Variants in UQCRC2 observed in about 807,000 individuals in gnomAD.
UQCRC2 encodes the protein ubiquinol-cytochrome c reductase core protein 2.
In UQCRC2, 49 loss-of-function variants were observed where a neutral mutation model predicts 55.6. That is an observed-to-expected ratio of 0.88 (90% CI 0.70 to 1.12). The LOEUF (loss-of-function observed/expected upper bound fraction) is 1.12, where lower values mean the gene tolerates loss of function less well. UQCRC2 is among the 50% of genes most tolerant of loss of function. The pLI is 0.00. For synonymous variants in UQCRC2, 193 were observed against 192.0 expected (o/e 1.01, Z -0.04); for missense variants, 506 against 547.8 (o/e 0.92, Z 0.76).
intron 7 of UQCRC2, among the ~76,000 whole-genome samples, chr16:21,966,163 T>A (rs1040314481): frequency 1.8e-4 from 26 of 146,276 alleles, no homozygotes; most frequent in Non-Finnish European, 3.4e-4. Flanking sequence ...AAAAAAAATA[T>A]ATATATATGT....
At position 21,973,966 on chromosome 16, in the gene UQCRC2, C is replaced by A; in HGVS notation, c.1037C>A (p.Ala346Asp). 6.2e-7 allele frequency: 1 copy of A among 1,607,962 alleles called. No individual in the cohort carries two copies. Among genetic ancestry groups the A allele is most frequent in the Admixed American group, 1.7e-5 (1 of 57,706 alleles). ...ATTTATACTATCTCCCAGGCCACAG[C>A]TGCTGGAGATGTAAGTTGCAAACTC... ...FGIYTISQAT[A>D]AGDVIKAAYN... The change falls in exon 11 of 14, where the codon GCT becomes GAT. Residue 346 changes from alanine (A) to aspartate (D), a missense_variant. By Grantham distance (126) the Ala-to-Asp change is moderately radical. Transcript: ENST00000268379.
chr16:21,958,531 C>G lies in UQCRC2; in HGVS notation c.268-4C>G. The stretch of plus-strand genomic sequence containing the variant: ...ACAAAGATAATCATTCTTTCTTTTT[C>G]AAGACGACAAAAGGAGCTTCATCTT... On this transcript the variant is annotated splice_region_variant and splice_polypyrimidine_tract_variant and intron_variant, in intron 3 of 13. Coordinates refer to ENST00000268379, the MANE Select transcript of UQCRC2 (RefSeq NM_003366.4). 2.5e-6 allele frequency: 4 copies of G among 1,611,234 alleles called. No homozygotes were observed. The South Asian group carries it at 3.3e-5, about 13-fold the overall frequency.
At chr16:21,974,080 T>G (rs1190060261) in intron 11 of UQCRC2, 104 bp downstream of exon 11, 5 of 1,026,552 alleles carry the variant, frequency 4.9e-6, no homozygotes, top group African/African-American at 1.6e-5. Context: ...TGCAGTGCAA[T>G]GACTTATCAG....
chr16:21,972,110 G>A lies in UQCRC2; in HGVS notation c.954G>A (p.Gln318=). The change falls in exon 10 of 14, where the codon CAG becomes CAA. Residue 318 remains glutamine (Q), a synonymous_variant. Coordinates refer to ENST00000268379, the MANE Select transcript of UQCRC2 (RefSeq NM_003366.4). ...ACCAGGCTGTTGCCAAGGCAACTCA[G>A]CAGCCATTTGATGTGAGTCTGAACA... ...HLHQAVAKAT[Q]QPFDVSAFNA... is the part of the protein sequence containing the mutation. 6.2e-7 allele frequency: 1 copy of A among 1,613,404 alleles called. No homozygotes were observed. The highest frequency in any genetic ancestry group is 8.5e-7 in the Non-Finnish European group (1 of 1,179,674).
rs78874824 is a variant in UQCRC2, at chr16:21,971,404, C to G, written c.671-121C>G. ...GGAGAGTGGCATTATGGCAGGAAGACTCTTATTTATTTTGTAGTGTTAGGA... is the reference window on the plus strand; with the variant it reads ...GGAGAGTGGCATTATGGCAGGAAGAGTCTTATTTATTTTGTAGTGTTAGGA... On this transcript the variant is annotated intron_variant, in intron 8 of 13. Transcript: ENST00000268379. 3.2e-3 allele frequency: 2,503 copies of G among 770,688 alleles called. 81 individuals are homozygous for G. In the East Asian group the frequency reaches 0.059, roughly 18 times the overall value. The allele number at this position is 770,688 out of a possible 1,614,324, so 47.7% of individuals were successfully genotyped here.
chr16:21,955,112 T>C (rs1012917145), intron 1 of UQCRC2, among the ~76,000 whole-genome samples: 4 of 151,980 alleles, frequency 2.6e-5, no homozygotes, highest in Admixed American at 6.6e-5. Flanking sequence ...CACATTTGGT[T>C]GGAAAACACC....
At chr16:21,974,001 C>T in intron 11 of UQCRC2, 25 bp downstream of exon 11, 1 of 1,578,898 alleles carries the variant, frequency 6.3e-7, no homozygotes, top group Non-Finnish European at 8.6e-7. Context: ...CACCAAACTT[C>T]TTTCATGAAC....
At chr16:21,971,807 C>G (rs1898468095) in intron 9 of UQCRC2, 116 bp from the exon 10 acceptor site, 2 of 1,448,402 alleles carry the variant, frequency 1.4e-6, no homozygotes, top group Non-Finnish European at 1.9e-6. Context: ...ATGGGGAAAG[C>G]ACCGAGCTGC....
intron 13 of UQCRC2, 123 bp from the exon 14 acceptor site, chr16:21,982,963 CAA>C (rs1036084484): frequency 0.076 from 38,382 of 507,964 alleles, no homozygotes; most frequent in East Asian, 0.095. Context: ...GACTCCACCT[CAA>C]AAAAAAAAAA....
rs1898476799 is a variant in UQCRC2 at position 21,972,061 on chromosome 16, G to A, written c.905G>A (p.Gly302Asp). Residue 302 changes from glycine (G) to aspartate (D), a missense_variant, in exon 10 of 14, where the codon GGC becomes GAC. Gly to Asp is a moderately conservative substitution (Grantham distance 94). Transcript: ENST00000268379. The part of the protein sequence containing the change: ...VLGAGPHVKR[G>D]SNTTSHLHQA... ...GGTGCTGGGCCACATGTCAAGAGGGGCAGCAACACCACCAGCCATCTGCAC... is the reference window on the plus strand; with the variant it reads ...GGTGCTGGGCCACATGTCAAGAGGGACAGCAACACCACCAGCCATCTGCAC... The A allele has an allele frequency of 6.2e-7, 1 of 1,613,998 alleles. No homozygotes were observed. Among genetic ancestry groups the A allele is most frequent in the Non-Finnish European group, 8.5e-7 (1 of 1,180,016 alleles).
In UQCRC2 at chr16:21,953,383, T is replaced by C. The variant is rs773709794; in HGVS notation, c.-41T>C. 5.6e-6 allele frequency: 9 copies of C among 1,609,376 alleles called. No homozygotes were observed. In the East Asian group the frequency reaches 2.0e-4, roughly 36 times the overall value. On this transcript the variant is annotated 5_prime_UTR_variant, in exon 1 of 14. Coordinates refer to ENST00000268379, the MANE Select transcript of UQCRC2 (RefSeq NM_003366.4). ...GGCCTCCGCCACCATCTTGCTTTCCTTTAATCCGGCAGTGACCGTGTGTCA... is the reference window on the plus strand; with the variant it reads ...GGCCTCCGCCACCATCTTGCTTTCCCTTAATCCGGCAGTGACCGTGTGTCA...
At chr16:21,973,492 A>G (rs1037464119) in intron 10 of UQCRC2, among the ~76,000 whole-genome samples, 4 of 152,212 alleles carry the variant, frequency 2.6e-5, no homozygotes, top group African/African-American at 9.6e-5. Flanking sequence ...ACATGAGTGT[A>G]TAAGAGAAAT....
At chr16:21,979,459 A>C (rs1898663332) in intron 12 of UQCRC2, among the ~76,000 whole-genome samples, 1 of 152,210 alleles carries the variant, frequency 6.6e-6, no homozygotes, top group Middle Eastern at 3.2e-3. Context: ...AGCCTACTAC[A>C]CACATGGGCT....
rs35025046 is a variant in UQCRC2 at position 21,957,068 on chromosome 16, C to CA, written c.34-151dup. On this transcript the variant is annotated intron_variant, in intron 1 of 13. Transcript: ENST00000268379. ...TGAGCGACAGAGAGACACTCTGTCT[C>CA]AAAAAAAAAAAAAAAATGTTATGCA... Among the ~76,000 whole-genome samples, 6,729 of 102,956 alleles carry CA rather than the reference C, an allele frequency of 0.065. 179 individuals carry two copies. The highest frequency in any genetic ancestry group is 0.082 in the Non-Finnish European group (4,019 of 49,046). 67.5% of individuals were successfully genotyped at this position (102,956 alleles called of 152,430 possible).
In UQCRC2 at chr16:21,953,411, A is replaced by G. The variant is rs113586140; in HGVS notation, c.-13A>G. The G allele has an allele frequency of 2.2e-5, 36 of 1,612,854 alleles. No individual in the cohort carries two copies. Among genetic ancestry groups the G allele is most frequent in the African/African-American group, 1.5e-4 (11 of 74,930 alleles). ...AATCCGGCAGTGACCGTGTGTCAGA[A>G]CAATCTTGAATCATGAAGCTACTAA... On this transcript the variant is annotated 5_prime_UTR_variant, in exon 1 of 14. Coordinates refer to ENST00000268379, the MANE Select transcript of UQCRC2 (RefSeq NM_003366.4).
rs371099781 is a variant in UQCRC2 at position 21,957,550 on chromosome 16, G to A, written c.251G>A (p.Arg84His). 26 of 1,613,964 alleles carry A rather than the reference G, an allele frequency of 1.6e-5. No homozygotes were observed. Among genetic ancestry groups the A allele is most frequent in the Admixed American group, 3.3e-5 (2 of 59,990 alleles). Residue 84 changes from arginine to histidine, a missense_variant, in exon 3 of 14, where the codon CGT (arginine) becomes CAT (histidine). Physicochemically the swap from Arg to His is conservative, Grantham distance 29 (BLOSUM62 0). Transcript: ENST00000268379. ...FSNLGTTHLL[R>H]LTSSLTTKGA... is the part of the protein sequence containing the mutation. ...AATTTAGGAACCACCCATTTGCTGC[G>A]TCTTACATCCAGTCTGGTGAGTATC... is the stretch of plus-strand genomic sequence containing the variant.
chr16:21,960,111 C>A (rs1424602496), intron 4 of UQCRC2, among the ~76,000 whole-genome samples: 2 of 152,184 alleles, frequency 1.3e-5, no homozygotes, highest in East Asian at 3.8e-4. Context: ...AGCTTTGACG[C>A]CAGGCATTGA....
chr16:21,977,508 TAAGA>T (rs1344807776), intron 12 of UQCRC2, among the ~76,000 whole-genome samples: 5 of 152,258 alleles, frequency 3.3e-5, no homozygotes, highest in African/African-American at 1.2e-4. Flanking sequence ...TTTTGTTTTA[TAAGA>T]AAGACTAAAA....
chr16:21,953,451 TTCTC>T lies in UQCRC2; in HGVS notation c.29_32del (p.Phe10Ter). On this transcript the variant is annotated frameshift_variant and splice_region_variant, in exon 1 of 14. Coordinates refer to ENST00000268379, the MANE Select transcript of UQCRC2 (RefSeq NM_003366.4). LOFTEE classifies it high-confidence loss of function. ...GAAGCTACTAACCAGAGCCGGCTCT[TTCTC>T]GGTGAGCTCAGGTGGCGGGTTTGGG... The T allele has an allele frequency of 6.2e-7, 1 of 1,613,002 alleles. No individual in the cohort carries two copies. The highest frequency in any genetic ancestry group is 8.5e-7 in the Non-Finnish European group (1 of 1,179,570).
Sources: gnomAD v4.1 joint callset for allele counts (sites outside exome capture counted in the v4.1 genomes callset) on GRCh38, gnomAD v4.1.1 for gene constraint, MANE v1.5 for transcripts, NCBI Gene and HGNC (gene_info 2026-07-23, HGNC 2026-07-21) for gene names.